Variants in FSTL5 observed in about 807,000 individuals in gnomAD.
FSTL5 encodes the protein follistatin-related protein 5.
FSTL5 carries 62 observed loss-of-function variants against 89.1 expected under a neutral mutation model. That is an observed-to-expected ratio of 0.70 (90% CI 0.57 to 0.86). The LOEUF is 0.86. Ranked by LOEUF, FSTL5 falls within the 40% of genes least tolerant of loss-of-function variation. The pLI is 0.00. For synonymous variants in FSTL5, 383 were observed against 346.2 expected (o/e 1.11, Z -1.18); for missense variants, 1,057 against 1,001.6 (o/e 1.06, Z -0.75).
intron 1 of FSTL5, among the ~76,000 whole-genome samples, chr4:162,120,929 T>C (rs1194455027): frequency 6.6e-6 from 1 of 152,002 alleles, no homozygotes; most frequent in African/African-American, 2.4e-5. Context: ...AGTAACCATC[T>C]TTATAGAATC....
chr4:161,850,573 A>C (rs1192332497), intron 4 of FSTL5, among the ~76,000 whole-genome samples: 1 of 152,130 alleles, frequency 6.6e-6, no homozygotes, highest in Non-Finnish European at 1.5e-5. Context: ...TCTGGCCCAG[A>C]CACATTTGCA....
At chr4:161,818,648 G>A (rs1018114687) in intron 4 of FSTL5, among the ~76,000 whole-genome samples, 1 of 152,178 alleles carries the variant, frequency 6.6e-6, no homozygotes, top group Admixed American at 6.5e-5. Flanking sequence ...CACGCACTGC[G>A]ATGGGGACAA....
chr4:161,696,695 T>C (rs1738183437), intron 6 of FSTL5, among the ~76,000 whole-genome samples: 1 of 152,182 alleles, frequency 6.6e-6, no homozygotes, highest in African/African-American at 2.4e-5. Context: ...CTAAATACTT[T>C]ATATTTTTTG....
intron 2 of FSTL5, among the ~76,000 whole-genome samples, chr4:162,071,793 TC>T (rs1729635841): frequency 6.6e-6 from 1 of 151,722 alleles, no homozygotes; most frequent in Non-Finnish European, 1.5e-5. Flanking sequence ...ATATCAAGCA[TC>T]TTCAGACCAC....
At chr4:161,508,902 T>C (rs577699954) in intron 11 of FSTL5, among the ~76,000 whole-genome samples, 21 of 152,338 alleles carry the variant, frequency 1.4e-4, no homozygotes, top group African/African-American at 5.1e-4. Context: ...AAGCCAGATC[T>C]GTAGTACTTG....
chr4:161,920,250 C>T (rs550927648), intron 4 of FSTL5, among the ~76,000 whole-genome samples, 154 bp downstream of exon 4: 16 of 152,270 alleles, frequency 1.1e-4, no homozygotes, highest in Admixed American at 1.3e-4. Context: ...ATGTAAATTT[C>T]CACACACTGC....
chr4:161,589,788 G>A (rs1434981884), intron 7 of FSTL5, among the ~76,000 whole-genome samples: 1 of 151,994 alleles, frequency 6.6e-6, no homozygotes, highest in African/African-American at 2.4e-5. Context: ...ATATTCCTAG[G>A]AGTCTAGAAG....
At chr4:161,746,471 G>C (rs1043377002) in intron 6 of FSTL5, among the ~76,000 whole-genome samples, 1 of 152,156 alleles carries the variant, frequency 6.6e-6, no homozygotes, top group African/African-American at 2.4e-5. Flanking sequence ...CTAAGCTGTA[G>C]TGGTAATGGG....
chr4:161,509,160 G>A (rs1274297596), intron 11 of FSTL5, among the ~76,000 whole-genome samples: 8 of 151,978 alleles, frequency 5.3e-5, no homozygotes, highest in African/African-American at 1.4e-4. Flanking sequence ...AAAATTAGCC[G>A]GGCGTGGTGG....
chr4:162,032,299 T>G (rs901089950), intron 3 of FSTL5, among the ~76,000 whole-genome samples: 1 of 152,148 alleles, frequency 6.6e-6, no homozygotes, highest in African/African-American at 2.4e-5. Flanking sequence ...TAAGTTTAAA[T>G]GCATATATCA....
At chr4:161,665,238 CT>C (rs1045092671) in intron 6 of FSTL5, among the ~76,000 whole-genome samples, 1 of 151,752 alleles carries the variant, frequency 6.6e-6, no homozygotes, top group African/African-American at 2.4e-5. Flanking sequence ...AGAGAGAAAT[CT>C]TTTTTTTGTT....
chr4:161,614,546 C>G (rs1282811825), intron 7 of FSTL5, among the ~76,000 whole-genome samples: 1 of 152,116 alleles, frequency 6.6e-6, no homozygotes, highest in Non-Finnish European at 1.5e-5. Flanking sequence ...AATTCATATA[C>G]AGTGTACTCA....
intron 3 of FSTL5, among the ~76,000 whole-genome samples, chr4:161,933,617 T>A (rs1734352242): frequency 6.6e-6 from 1 of 151,768 alleles, no homozygotes; most frequent in Non-Finnish European, 1.5e-5. Flanking sequence ...TTTTTTTTTT[T>A]AATGATTAGG....
chr4:161,394,260 G>A (rs754347727), intron 15 of FSTL5, among the ~76,000 whole-genome samples: 36 of 152,070 alleles, frequency 2.4e-4, no homozygotes, highest in Non-Finnish European at 4.6e-4. Flanking sequence ...TTTAATTATA[G>A]GTAAAATACC....
chr4:161,908,497 A>G (rs1205733580), intron 4 of FSTL5, among the ~76,000 whole-genome samples: 4 of 152,092 alleles, frequency 2.6e-5, no homozygotes, highest in African/African-American at 4.8e-5. Flanking sequence ...CTGATGCTCA[A>G]TTAAATTAAT....
chr4:161,483,048 A>G (rs575147632), intron 12 of FSTL5, among the ~76,000 whole-genome samples: 4 of 152,328 alleles, frequency 2.6e-5, no homozygotes, highest in Admixed American at 1.3e-4. Flanking sequence ...CGGGAGGTCA[A>G]CCTGAGTAAA....
At chr4:162,132,581 C>T (rs762124377) in intron 1 of FSTL5, among the ~76,000 whole-genome samples, 4 of 152,062 alleles carry the variant, frequency 2.6e-5, no homozygotes, top group Non-Finnish European at 4.4e-5. Flanking sequence ...CCACCAATTC[C>T]GGACACAAAA....
At chr4:161,766,910 T>TGACA in intron 5 of FSTL5, among the ~76,000 whole-genome samples, 1 of 106,808 alleles carries the variant, frequency 9.4e-6, no homozygotes, top group South Asian at 3.0e-4. Flanking sequence ...ATAGATCGAT[T>TGACA]GATAGATAGA....
intron 13 of FSTL5, among the ~76,000 whole-genome samples, chr4:161,472,379 G>C (rs957903734): frequency 1.3e-5 from 2 of 151,828 alleles, no homozygotes; most frequent in Admixed American, 1.3e-4. Flanking sequence ...CTTTCTGCTA[G>C]CTCTGACTTT....
Sources: gnomAD v4.1 joint callset for allele counts (sites outside exome capture counted in the v4.1 genomes callset) on GRCh38, gnomAD v4.1.1 for gene constraint, MANE v1.5 for transcripts, NCBI Gene and HGNC (gene_info 2026-07-23, HGNC 2026-07-21) for gene names.